PNCK: variants seen among roughly 807,000 people sequenced by gnomAD.
PNCK encodes pregnancy up-regulated nonubiquitous CaM kinase, also known as calcium/calmodulin-dependent protein kinase type 1B.
Under a neutral mutation model 28.3 loss-of-function variants are expected in PNCK, and 21 were observed. The observed-to-expected ratio is 0.74, with a 90% CI of 0.53 to 1.07. The LOEUF (loss-of-function observed/expected upper bound fraction) is 1.07, where lower values mean the gene tolerates loss of function less well. Among genes scored for constraint, PNCK ranks in the 50% least tolerant of loss-of-function variants. The pLI, the probability that PNCK is intolerant of heterozygous loss-of-function variation, is 0.00. For missense variants in PNCK, 250 were observed against 298.3 expected (o/e 0.84, Z 1.19); for synonymous variants, 136 against 125.2 (o/e 1.09, Z -0.58).
chrX:153,687,744 C>T, upstream of PNCK: 1 of 246,725 alleles, frequency 4.1e-6, no homozygotes, highest in South Asian at 3.6e-5. Context: ...TCCTGCCTCC[C>T]GCTGGAGCGG....
chrX:153,679,756 G>C (rs782563002), upstream of PNCK, among the ~76,000 whole-genome samples: 1 of 109,035 alleles, frequency 9.2e-6, no homozygotes, highest in East Asian at 2.9e-4. Context: ...ATTTTTAGTA[G>C]AGGCAGGGTT....
chrX:153,686,517 C>A (rs1399332907), intron 1 of PNCK: 4 of 112,264 alleles, frequency 3.6e-5, no homozygotes, highest in Non-Finnish European at 7.5e-5. Context: ...GGGTCCTCTT[C>A]TTTCTCTCAA....
chrX:153,685,627 CAG>C (rs1179065775), intron 1 of PNCK, among the ~76,000 whole-genome samples: 1 of 112,642 alleles, frequency 8.9e-6, no homozygotes, highest in Non-Finnish European at 1.9e-5. Flanking sequence ...AGGGAAAACT[CAG>C]GGGGAACGCC....
intron 1 of PNCK, chrX:153,673,327 C>T: frequency 3.5e-6 from 4 of 1,153,124 alleles, no homozygotes; most frequent in Non-Finnish European, 4.6e-6. Context: ...AGGCGACCAG[C>T]GCCTGGATGC....
chrX:153,672,982 C>T (rs188888038), intron 2 of PNCK, 27 bp downstream of exon 2: 16 of 1,147,432 alleles, frequency 1.4e-5, no homozygotes, highest in Non-Finnish European at 1.2e-5. Context: ...CACACACACA[C>T]GATCACACAC....
In PNCK at chrX:153,671,116, T is replaced by C; in HGVS notation, c.689A>G (p.Glu230Gly). 4.1e-6 allele frequency: 5 copies of C among 1,211,412 alleles called. No individual in the cohort carries two copies. Among genetic ancestry groups the C allele is most frequent in the Non-Finnish European group, 5.6e-6 (5 of 895,430 alleles). The change falls in exon 8 of 12, where the codon GAG becomes GGG. Residue 230 changes from glutamate (E) to glycine (G), a missense_variant. By Grantham distance (98) the Glu-to-Gly change is moderately conservative. Transcript: ENST00000340888. ...GTCATCCCAGAAAGGAGAGTCAAACTCATAGCTGGCCCTCAGGATCTGGCT... is the reference window on the plus strand; with the variant it reads ...GTCATCCCAGAAAGGAGAGTCAAACCCATAGCTGGCCCTCAGGATCTGGCT... Reference protein sequence around the residue: ...LFSQILRASYEFDSPFWDDIS... With the variant: ...LFSQILRASYGFDSPFWDDIS...
In PNCK at chrX:153,669,816, C is replaced by T. The variant is rs2091269829; in HGVS notation, c.*322G>A. ...CATGACACAAGCAGGACCACCCACA[C>T]TCAGCGAAGCACACAACAGCCGTGC... is the stretch of plus-strand genomic sequence containing the variant. On this transcript the variant is annotated 3_prime_UTR_variant, in exon 12 of 12. Coordinates refer to ENST00000340888, the MANE Select transcript of PNCK (RefSeq NM_001366977.1). 2.9e-6 allele frequency: 1 copy of T among 341,649 alleles called. No homozygotes were observed. The highest frequency in any genetic ancestry group is 5.9e-6 in the Non-Finnish European group (1 of 170,038). The allele number at this position is 341,649 out of a possible 1,213,427, so 28.2% of individuals were successfully genotyped here. A position where few individuals can be genotyped will look rare whatever the true frequency, so the allele number is the denominator to read the frequency against.
At chrX:153,682,517 G>A (rs1366100064) in intron 1 of PNCK, among the ~76,000 whole-genome samples, 1 of 112,170 alleles carries the variant, frequency 8.9e-6, no homozygotes, top group East Asian at 2.8e-4. Context: ...GGGATCAAGT[G>A]ATCTGTGTCA....
chrX:153,675,949 C>A (rs1361951052), upstream of PNCK, among the ~76,000 whole-genome samples: 1 of 108,654 alleles, frequency 9.2e-6, no homozygotes, highest in Non-Finnish European at 1.9e-5. Flanking sequence ...TCCAGCCTAG[C>A]CTGGGCAACA....
In PNCK at chrX:153,671,126, C is replaced by A; in HGVS notation, c.679G>T (p.Ala227Ser). Reference protein sequence around the residue: ...DPELFSQILRASYEFDSPFWD... With the variant: ...DPELFSQILRSSYEFDSPFWD... ...AAAGGAGAGTCAAACTCATAGCTGG[C>A]CCTCAGGATCTGGCTGAAGAGCTCA... The change falls in exon 8 of 12, where the codon GCC (alanine) becomes TCC (serine). Residue 227 changes from alanine to serine, a missense_variant. Physicochemically the swap from Ala to Ser is moderately conservative, Grantham distance 99. Transcript: ENST00000340888. 8.3e-7 allele frequency: 1 copy of A among 1,211,905 alleles called. No individual in the cohort carries two copies. The highest frequency in any genetic ancestry group is 1.1e-6 in the Non-Finnish European group (1 of 895,557).
upstream of PNCK, chrX:153,674,124 C>G (rs782417452): frequency 8.3e-7 from 1 of 1,210,300 alleles, no homozygotes; most frequent in African/African-American, 1.7e-5. Context: ...CTGCCTTCAC[C>G]GCCTCTCCGA....
In PNCK at chrX:153,687,481, GC is replaced by G. The variant is rs781848259; in HGVS notation, c.-54del. ...CTTCCAGGGTAGCCGGGAAGCTGTA[GC>G]CCCCAGTGGGCAGCGGTGGAGAGAG... On this transcript the variant is annotated 5_prime_UTR_variant, in exon 1 of 4. Transcript: ENST00000419804. 895 of 325,486 alleles carry G rather than the reference GC, an allele frequency of 2.7e-3. 6 individuals carry two copies. In the East Asian group the frequency reaches 0.033, roughly 12 times the overall value. The allele number at this position is 325,486 out of a possible 1,213,427, so 26.8% of individuals were successfully genotyped here. A position where few individuals can be genotyped will look rare whatever the true frequency, so the allele number is the denominator to read the frequency against.
chrX:153,679,566 C>CTTTTTTTTTTTT (rs1211891003), upstream of PNCK, among the ~76,000 whole-genome samples: 2 of 46,091 alleles, frequency 4.3e-5, no homozygotes, highest in Non-Finnish European at 8.1e-5. Flanking sequence ...CTTTTCTTTT[C>CTTTTTTTTTTTT]TTTTTTTTTT....
chrX:153,672,999 G>A lies in PNCK; in HGVS notation c.68+10C>T, dbSNP rs782237463. The A allele has an allele frequency of 5.6e-5, 65 of 1,170,039 alleles. No homozygotes were observed. Among genetic ancestry groups the A allele is most frequent in the East Asian group, 2.8e-4 (9 of 32,049 alleles). On this transcript the variant is annotated intron_variant, in intron 2 of 11. Coordinates refer to ENST00000340888, the MANE Select transcript of PNCK (RefSeq NM_001366977.1). ...CACACACACGATCACACACGCGCGC[G>A]CACACTCACGAGCCGAGCCTCTCGC...
chrX:153,677,551 ATATATAGTGTG>A (rs1424965533), upstream of PNCK, among the ~76,000 whole-genome samples: 10 of 101,952 alleles, frequency 9.8e-5, no homozygotes, highest in African/African-American at 3.3e-4. Context: ...GTGTGTATAT[ATATATAGTGTG>A]TATATATAGT....
In PNCK at chrX:153,670,999, G is replaced by T; in HGVS notation, c.728-3C>A. The T allele has an allele frequency of 3.3e-6, 4 of 1,212,001 alleles. No individual in the cohort carries two copies. Among genetic ancestry groups the T allele is most frequent in the Non-Finnish European group, 4.5e-6 (4 of 895,531 alleles). On this transcript the variant is annotated splice_polypyrimidine_tract_variant and splice_region_variant and intron_variant, in intron 8 of 11. Coordinates refer to ENST00000340888, the MANE Select transcript of PNCK (RefSeq NM_001366977.1). ...AAGGTGCCGGATGAAGTCTTTGGCTGGAACAGGGAGGCTGGGTCAGCCTGT... is the reference window on the plus strand; with the variant it reads ...AAGGTGCCGGATGAAGTCTTTGGCTTGAACAGGGAGGCTGGGTCAGCCTGT...
upstream of PNCK, among the ~76,000 whole-genome samples, chrX:153,677,635 A>G (rs12385046): frequency 8.9e-4 from 73 of 81,846 alleles, no homozygotes; most frequent in African/African-American, 3.4e-3. Context: ...TATAGTGTGT[A>G]TATATATAGT....
intron 5 of PNCK, 39 bp downstream of exon 5, chrX:153,671,841 C>G: frequency 1.7e-6 from 2 of 1,197,999 alleles, no homozygotes; most frequent in Non-Finnish European, 2.3e-6. Context: ...GCCAGGTGGG[C>G]AGGTGGGAGG....
chrX:153,675,994 T>C (rs1557041491), upstream of PNCK, among the ~76,000 whole-genome samples: 1 of 103,070 alleles, frequency 9.7e-6, no homozygotes, highest in Non-Finnish European at 2.0e-5. Flanking sequence ...TTTCTTTTTT[T>C]TTTTTTTTTT....
Sources: gnomAD v4.1 joint callset for allele counts (sites outside exome capture counted in the v4.1 genomes callset) on GRCh38, gnomAD v4.1.1 for gene constraint, MANE v1.5 for transcripts, NCBI Gene and HGNC (gene_info 2026-07-23, HGNC 2026-07-21) for gene names.